Variants in IGDCC4 observed in about 807,000 individuals in gnomAD.
IGDCC4 encodes likely ortholog of mouse neighbor of Punc E11.
A neutral mutation model predicts 116.6 loss-of-function variants in IGDCC4; 72 were observed. That is an observed-to-expected ratio of 0.62 (90% CI 0.51 to 0.75). The LOEUF is 0.75. IGDCC4 is among the 30% of genes least tolerant of loss of function. The pLI, the probability that IGDCC4 is intolerant of heterozygous loss-of-function variation, is 0.00. For missense variants in IGDCC4, 1,501 were observed against 1,662.4 expected (o/e 0.90, Z 1.69); for synonymous variants, 709 against 719.9 (o/e 0.98, Z 0.24).
chr15:65,421,247 G>A (rs2063187259), intron 1 of IGDCC4, among the ~76,000 whole-genome samples: 1 of 152,188 alleles, frequency 6.6e-6, no homozygotes, highest in Admixed American at 6.5e-5. Context: ...GCGCCGGTGC[G>A]GTTCCCAGCC....
At position 65,410,413 on chromosome 15, in the gene IGDCC4, C is replaced by T. The variant is rs2063080146; in HGVS notation, c.422-94G>A. 9 of 1,426,538 alleles carry T rather than the reference C, an allele frequency of 6.3e-6. No homozygotes were observed. In the South Asian group the frequency reaches 1.1e-4, roughly 17 times the overall value. The allele number at this position is 1,426,538 out of a possible 1,614,324, so 88.4% of individuals were successfully genotyped here. A position where few individuals can be genotyped will look rare whatever the true frequency, so the allele number is the denominator to read the frequency against. On this transcript the variant is annotated intron_variant, in intron 2 of 19. Transcript: ENST00000352385. ...AGTGAAACACATCCGCATGGAGACACAGAAACACACAGTCACAGAAACACA... is the reference window on the plus strand; with the variant it reads ...AGTGAAACACATCCGCATGGAGACATAGAAACACACAGTCACAGAAACACA...
intron 6 of IGDCC4, 102 bp downstream of exon 6, chr15:65,396,732 G>A (rs2062930782): frequency 1.4e-6 from 2 of 1,423,446 alleles, no homozygotes; most frequent in Non-Finnish European, 1.9e-6. Flanking sequence ...TCCTCCAGGA[G>A]AGCGCCTGAG....
intron 9 of IGDCC4, among the ~76,000 whole-genome samples, chr15:65,394,059 G>A (rs1020609711): frequency 2.6e-5 from 4 of 152,074 alleles, no homozygotes; most frequent in Non-Finnish European, 4.4e-5. Flanking sequence ...GGAGTACAAT[G>A]GCACGATCAC....
Position 65,384,224 on chromosome 15 carries a change from G to C in IGDCC4, c.3538C>G (p.Leu1180Val). 6.2e-7 allele frequency: 1 copy of C among 1,601,668 alleles called. No homozygotes were observed. The highest frequency in any genetic ancestry group is 8.5e-7 in the Non-Finnish European group (1 of 1,171,078). ...TCACACCCTCCCAACTCCCTGTCCAGCCAGGCTGCCCCCTGCCCTGGATCC... is the reference window on the plus strand; with the variant it reads ...TCACACCCTCCCAACTCCCTGTCCACCCAGGCTGCCCCCTGCCCTGGATCC... Reference protein sequence around the residue: ...VGDPGQGAAWLDRELGGCELA... With the variant: ...VGDPGQGAAWVDRELGGCELA... Residue 1180 changes from leucine to valine, a missense_variant, in exon 20 of 20, where the codon CTG becomes GTG. By Grantham distance (32) the Leu-to-Val change is conservative. Around this residue, in one of 3 missense-constraint regions of IGDCC4, gnomAD observed 368 missense variants for 355.6 expected, o/e 1.03. Coordinates refer to ENST00000352385, the MANE Select transcript of IGDCC4 (RefSeq NM_020962.3). This position sits in a 1 kb window ranked among gnomAD's most constrained non-coding sequence, Gnocchi z 4.9.
intron 3 of IGDCC4, among the ~76,000 whole-genome samples, chr15:65,402,725 G>A (rs533713273): frequency 6.6e-6 from 1 of 152,208 alleles, no homozygotes; most frequent in South Asian, 2.1e-4. Flanking sequence ...AAATTAGCCG[G>A]GCGTAGTGGT....
rs1236974806 is a variant in IGDCC4, at chr15:65,396,363, A to T, written c.998-200T>A. On this transcript the variant is annotated intron_variant, in intron 6 of 19. Coordinates refer to ENST00000352385, the MANE Select transcript of IGDCC4 (RefSeq NM_020962.3). The stretch of plus-strand genomic sequence containing the variant: ...TCTTCTCCCCATTTACCCCAGCCCC[A>T]CAACGACCATTCTCTTTCTCTCCCA... The T allele has an allele frequency of 1.6e-5, 11 of 689,726 alleles. No individual in the cohort carries two copies. In the East Asian group the frequency reaches 3.2e-4, roughly 20 times the overall value. 42.7% of individuals were successfully genotyped at this position (689,726 alleles called of 1,614,324 possible).
chr15:65,394,555 CAGA>C lies in IGDCC4; in HGVS notation c.1577-10_1577-8del. The C allele has an allele frequency of 6.3e-7, 1 of 1,591,548 alleles. No homozygotes were observed. The highest frequency in any genetic ancestry group is 8.6e-7 in the Non-Finnish European group (1 of 1,168,640). On this transcript the variant is annotated splice_region_variant and splice_polypyrimidine_tract_variant and intron_variant, in intron 8 of 19. Coordinates refer to ENST00000352385, the MANE Select transcript of IGDCC4 (RefSeq NM_020962.3). ...TGGGGTGCTGCACTGGGGACTGAGA[CAGA>C]AGAACATCAGCATGAGCTCTGCTCC...
intron 1 of IGDCC4, 133 bp from the exon 2 acceptor site, chr15:65,411,503 T>G: frequency 1.4e-6 from 1 of 701,992 alleles, no homozygotes. Flanking sequence ...GGCTCTCCCC[T>G]TACTAACTGT....
rs1296206866 is a variant in IGDCC4, at chr15:65,395,190, C to A, written c.1480G>T (p.Glu494Ter). 6.2e-7 allele frequency: 1 copy of A among 1,613,836 alleles called. No homozygotes were observed. Among genetic ancestry groups the A allele is most frequent in the Non-Finnish European group, 8.5e-7 (1 of 1,179,948 alleles). ...TAGAACTCATAATCTGTGTTGGGTT[C>A]CAGGTCCCGAACCTGTAGTTCTGTG... ...DTTELQVRDL[E>*]PNTDYEFYVV... Residue 494 changes from glutamate to a stop codon, truncating the protein, a stop_gained, in exon 8 of 20, where the codon GAA (glutamate) becomes TAA (stop). Transcript: ENST00000352385. LOFTEE classifies it high-confidence loss of function.
Position 65,389,321 on chromosome 15 carries a change from A to G in IGDCC4, c.2499T>C (p.Pro833=), listed in dbSNP as rs141329138. Residue 833 remains proline, a synonymous_variant, in exon 14 of 20, where the codon CCT becomes CCC. Transcript: ENST00000352385. ...TGGAGCGCTCCACCACAGAGCCGAAAGGCCCATCCATGTCCACGCCGTGAG... is the reference window on the plus strand; with the variant it reads ...TGGAGCGCTCCACCACAGAGCCGAAGGGCCCATCCATGTCCACGCCGTGAG... ...VQSHGVDMDG[P]FGSVVERSTL... 53 of 1,614,134 alleles carry G rather than the reference A, an allele frequency of 3.3e-5. No individual in the cohort carries two copies. The African/African-American group carries it at 6.7e-4, about 20-fold the overall frequency.
intron 1 of IGDCC4, among the ~76,000 whole-genome samples, chr15:65,412,340 C>T (rs185575390): frequency 8.6e-4 from 131 of 151,682 alleles, no homozygotes; most frequent in African/African-American, 3.0e-3. Context: ...GGTGAAACCC[C>T]GTCTCTACTA....
intron 14 of IGDCC4, 113 bp from the exon 15 acceptor site, chr15:65,389,091 T>C (rs1335362791): frequency 1.9e-6 from 2 of 1,075,208 alleles, no homozygotes; most frequent in South Asian, 1.6e-5. Flanking sequence ...AAAGATGAGG[T>C]CTGGTTTCTA....
rs2063088943 is a variant in IGDCC4 at position 65,411,168 on chromosome 15, A to G, written c.273T>C (p.Gly91=). ...EHDHLHLLPN[G]SLWLSQPLAP... is the part of the protein sequence containing the mutation. ...CTAGTGGCTGGGACAGCCACAGGGAACCATTGGGCAGCAGGTGTAAGTGGT... is the reference window on the plus strand; with the variant it reads ...CTAGTGGCTGGGACAGCCACAGGGAGCCATTGGGCAGCAGGTGTAAGTGGT... The change falls in exon 2 of 20, where the codon GGT becomes GGC. Residue 91 remains glycine (G), a synonymous_variant. Coordinates refer to ENST00000352385, the MANE Select transcript of IGDCC4 (RefSeq NM_020962.3). 4 of 1,614,062 alleles carry G rather than the reference A, an allele frequency of 2.5e-6. No individual in the cohort carries two copies. The highest frequency in any genetic ancestry group is 3.4e-6 in the Non-Finnish European group (4 of 1,180,038).
chr15:65,402,782 G>A (rs903081530), intron 3 of IGDCC4, among the ~76,000 whole-genome samples: 19 of 152,294 alleles, frequency 1.2e-4, no homozygotes, highest in South Asian at 4.1e-4. Flanking sequence ...CAGGAGAATC[G>A]CTTGAACCCG....
At chr15:65,421,448 C>T (rs969080968) in intron 1 of IGDCC4, among the ~76,000 whole-genome samples, 1 of 152,224 alleles carries the variant, frequency 6.6e-6, no homozygotes, top group Non-Finnish European at 1.5e-5. Context: ...GAGACCCAGC[C>T]TCGCGGCGGC....
At position 65,386,567 on chromosome 15, in the gene IGDCC4, G is replaced by A. The variant is rs764073649; in HGVS notation, c.2935C>T (p.Arg979Cys). 2.1e-5 allele frequency: 34 copies of A among 1,605,686 alleles called. No individual in the cohort carries two copies. Among genetic ancestry groups the A allele is most frequent in the Admixed American group, 8.5e-5 (5 of 58,852 alleles). Residue 979 changes from arginine to cysteine, a missense_variant, in exon 17 of 20, where the codon CGC becomes TGC. Transcript: ENST00000352385. ...CCTGCTCACCTGTGGGGGCTGCGGC[G>A]CAGGCCAGCACACATGCAGGCCAGG... The part of the protein sequence containing the change: ...CLLACMCAGL[R>C]RSPHRESLPG...
intron 3 of IGDCC4, among the ~76,000 whole-genome samples, chr15:65,404,309 A>T (rs542952436): frequency 2.6e-4 from 39 of 152,276 alleles, no homozygotes; most frequent in African/African-American, 8.9e-4. Context: ...AGCTGCCTAC[A>T]TAAGTGCTGG....
Position 65,383,641 on chromosome 15 carries a change from C to A in IGDCC4, c.*368G>T. ...AAAGGCTGGGCGATGGAGGTGGGGG[C>A]CCACAGGGCTGGGGACTGACCACTG... On this transcript the variant is annotated 3_prime_UTR_variant, in exon 20 of 20. Coordinates refer to ENST00000352385, the MANE Select transcript of IGDCC4 (RefSeq NM_020962.3). The A allele has an allele frequency of 1.1e-5, 2 of 188,910 alleles. No homozygotes were observed. The highest frequency in any genetic ancestry group is 1.9e-4 in the South Asian group (1 of 5,290). 11.7% of individuals were successfully genotyped at this position (188,910 alleles called of 1,614,324 possible).
Position 65,391,889 on chromosome 15 carries a change from G to GCGCCTTCT in IGDCC4, c.2207_2214dup (p.Pro739ArgfsTer78). 6.2e-7 allele frequency: 1 copy of GCGCCTTCT among 1,613,568 alleles called. No homozygotes were observed. The highest frequency in any genetic ancestry group is 1.1e-5 in the South Asian group (1 of 91,054). Reference sequence around the variant, plus strand: ...CCCCCACCGCCCTCACCTGGTGCCGGCGCCTTCTCCGTCTTGCCCTTCCAC... The same window carrying GCGCCTTCT: ...CCCCCACCGCCCTCACCTGGTGCCGGCGCCTTCTCGCCTTCTCCGTCTTGCCCTTCCAC... On this transcript the variant is annotated frameshift_variant, in exon 12 of 20. Transcript: ENST00000352385. LOFTEE classifies it high-confidence loss of function.
Sources: allele counts gnomAD v4.1 joint callset (sites outside exome capture counted in the v4.1 genomes callset), GRCh38; gene constraint gnomAD v4.1.1; regional missense constraint gnomAD v4.1.1; non-coding constraint Gnocchi (gnomAD v3.1); transcripts MANE v1.5; gene names NCBI Gene and HGNC (gene_info 2026-07-23, HGNC 2026-07-21).